Variants in INO80D observed in about 807,000 individuals in gnomAD.
The protein encoded by INO80D is INO80 complex subunit D.
A neutral mutation model predicts 87.6 loss-of-function variants in INO80D; 21 were observed. The observed-to-expected ratio is 0.24, with a 90% CI of 0.17 to 0.35. INO80D has a LOEUF of 0.35. Among genes scored for constraint, INO80D ranks in the 10% least tolerant of loss-of-function variants. The pLI is 1.00. For synonymous variants in INO80D, 440 were observed against 491.0 expected (o/e 0.90, Z 1.37); for missense variants, 982 against 1,280.7 (o/e 0.77, Z 3.56).
At chr2:206,039,703 G>A (rs1203854637) in intron 5 of INO80D, among the ~76,000 whole-genome samples, 1 of 150,062 alleles carries the variant, frequency 6.7e-6, no homozygotes, top group South Asian at 2.1e-4. Context: ...CCAGCTACTC[G>A]GGAGGCTGAG....
chr2:206,010,304 A>G (rs1239503608), intron 8 of INO80D, among the ~76,000 whole-genome samples: 1 of 152,116 alleles, frequency 6.6e-6, no homozygotes, highest in Non-Finnish European at 1.5e-5. Flanking sequence ...ACCAAGTGAA[A>G]AAGGAAAATA....
intron 5 of INO80D, among the ~76,000 whole-genome samples, chr2:206,030,109 A>G (rs1447533001): frequency 1.3e-5 from 2 of 152,202 alleles, no homozygotes; most frequent in Non-Finnish European, 2.9e-5. Context: ...AATATCTTTC[A>G]CACAAGACAG....
chr2:206,005,644 G>A (rs1688003756), intron 10 of INO80D, 111 bp from the exon 11 acceptor site: 2 of 877,484 alleles, frequency 2.3e-6, no homozygotes, highest in African/African-American at 1.7e-5. Context: ...AGTCCCTCTT[G>A]AAAAGAAAAG....
chr2:206,043,519 G>A (rs76494916), intron 5 of INO80D, among the ~76,000 whole-genome samples: 6,129 of 148,222 alleles, frequency 0.041, 374 homozygotes, highest in African/African-American at 0.12. Context: ...ATGGAGTCTC[G>A]CTCTGTCATC....
At chr2:206,028,401 C>T (rs575206858) in intron 5 of INO80D, 66 bp from the exon 6 acceptor site, 65 of 1,297,300 alleles carry the variant, frequency 5.0e-5, no homozygotes, top group African/African-American at 4.7e-4. Context: ...ACAGGGTAAA[C>T]GAGAATTAGG....
At chr2:206,026,081 T>C (rs1223456490) in intron 6 of INO80D, among the ~76,000 whole-genome samples, 4 of 152,018 alleles carry the variant, frequency 2.6e-5, no homozygotes, top group Non-Finnish European at 5.9e-5. Flanking sequence ...TATTTTTTAG[T>C]AGAGATGGGG....
intron 5 of INO80D, among the ~76,000 whole-genome samples, chr2:206,038,531 A>T (rs143196066): frequency 6.6e-6 from 1 of 152,308 alleles, no homozygotes; most frequent in Non-Finnish European, 1.5e-5. Context: ...GTAAATAAAC[A>T]ATAAATAGAA....
At chr2:206,035,165 GC>G (rs768886531) in intron 5 of INO80D, among the ~76,000 whole-genome samples, 3 of 152,016 alleles carry the variant, frequency 2.0e-5, no homozygotes, top group African/African-American at 4.8e-5. Flanking sequence ...TGACCATACT[GC>G]CAAAAGTAAT....
At position 206,003,145 on chromosome 2, in the gene INO80D, A is replaced by G. The variant is rs1687935017; in HGVS notation, c.*1223T>C. ...CAAAGGGCGAATAAAATTTATATCT[A>G]ATTTCCATATTCTGCTTTGAAAGAA... On this transcript the variant is annotated 3_prime_UTR_variant, in exon 11 of 11. Coordinates refer to ENST00000403263, the MANE Select transcript of INO80D (RefSeq NM_017759.5). The G allele has an allele frequency of 6.6e-6, 1 of 152,216 alleles. No homozygotes were observed. Among genetic ancestry groups the G allele is most frequent in the East Asian group, 1.9e-4 (1 of 5,200 alleles). 9.4% of individuals were successfully genotyped at this position (152,216 alleles called of 1,614,324 possible). A position where few individuals can be genotyped will look rare whatever the true frequency, so the allele number is the denominator to read the frequency against.
In INO80D at chr2:206,046,612, C is replaced by G; in HGVS notation, c.965G>C (p.Gly322Ala). The change falls in exon 5 of 11, where the codon GGT becomes GCT. Residue 322 changes from glycine to alanine, a missense_variant and splice_region_variant. Gly to Ala is a moderately conservative substitution (Grantham distance 60). Transcript: ENST00000403263. ...TCCGCTCTCTTCAGACCAGTCCAAA[C>G]CTGGGTTAGACAGGAGATATTGCAA... ...QLDTDLFPHL[G>A]LDWSEESGEE... 6.2e-7 allele frequency: 1 copy of G among 1,605,898 alleles called. No homozygotes were observed. The highest frequency in any genetic ancestry group is 8.5e-7 in the Non-Finnish European group (1 of 1,172,816).
At chr2:206,057,951 T>C (rs1689570878) in intron 3 of INO80D, among the ~76,000 whole-genome samples, 1 of 152,106 alleles carries the variant, frequency 6.6e-6, no homozygotes, top group Admixed American at 6.6e-5. Flanking sequence ...TTTTGAATTC[T>C]CTGTCTGAAA....
At chr2:206,055,155 C>A in intron 4 of INO80D, among the ~76,000 whole-genome samples, 1 of 152,272 alleles carries the variant, frequency 6.6e-6, no homozygotes, top group South Asian at 2.1e-4. Flanking sequence ...TATCTTTGCT[C>A]ATATTTCTAT....
At chr2:206,048,581 A>C (rs1575847233) in intron 4 of INO80D, among the ~76,000 whole-genome samples, 2 of 152,090 alleles carry the variant, frequency 1.3e-5, no homozygotes, top group African/African-American at 4.8e-5. Context: ...CCTGCCATAA[A>C]AGTTTTACCC....
chr2:206,046,015 G>C (rs552189599), intron 5 of INO80D, among the ~76,000 whole-genome samples: 1 of 152,238 alleles, frequency 6.6e-6, no homozygotes. Context: ...GAATGGGAAA[G>C]GTACAGAAGC....
intron 5 of INO80D, among the ~76,000 whole-genome samples, chr2:206,029,183 C>T (rs750425880): frequency 7.2e-5 from 11 of 152,054 alleles, no homozygotes; most frequent in Admixed American, 4.6e-4. Flanking sequence ...CCACCGAGCC[C>T]GGCCTTCTAC....
chr2:206,070,930 A>T (rs893799956), intron 1 of INO80D, among the ~76,000 whole-genome samples: 1 of 150,438 alleles, frequency 6.6e-6, no homozygotes, highest in African/African-American at 2.4e-5. Context: ...TAACAATAAA[A>T]GTCTATTTAA....
intron 1 of INO80D, among the ~76,000 whole-genome samples, chr2:206,079,974 C>T (rs1690229659): frequency 6.6e-6 from 1 of 152,210 alleles, no homozygotes; most frequent in Non-Finnish European, 1.5e-5. Context: ...AGGACAGAAA[C>T]TTCCCCTGCA....
chr2:206,078,059 T>TAAAAAAAA (rs1559467210), intron 1 of INO80D, among the ~76,000 whole-genome samples: 1 of 8,942 alleles, frequency 1.1e-4, no homozygotes, highest in Non-Finnish European at 2.4e-4. Context: ...TTGCAATGTT[T>TAAAAAAAA]ACAAAAAAAA....
intron 5 of INO80D, among the ~76,000 whole-genome samples, chr2:206,038,108 A>T (rs568678355): frequency 6.8e-4 from 103 of 152,034 alleles, no homozygotes; most frequent in Admixed American, 1.2e-3. Flanking sequence ...GCGGAGGATA[A>T]TGAGAAATTG....
Sources: gnomAD v4.1 joint callset for allele counts (sites outside exome capture counted in the v4.1 genomes callset) on GRCh38, gnomAD v4.1.1 for gene constraint, MANE v1.5 for transcripts, NCBI Gene and HGNC (gene_info 2026-07-23, HGNC 2026-07-21) for gene names.